Variants in CCNH observed in about 807,000 individuals in gnomAD.
CCNH encodes cyclin H, also known as cyclin-H.
In CCNH, 31 loss-of-function variants were observed where a neutral mutation model predicts 41.9. That is an observed-to-expected ratio of 0.74 (90% CI 0.56 to 1.00). The LOEUF (loss-of-function observed/expected upper bound fraction) is 1.00. Ranked by LOEUF, CCNH falls within the 50% of genes least tolerant of loss-of-function variation. CCNH has a pLI of 0.00. For synonymous variants in CCNH, 138 were observed against 136.1 expected (o/e 1.01, Z -0.10); for missense variants, 362 against 388.4 (o/e 0.93, Z 0.57).
At chr5:87,345,017 G>GT (rs1758750781) in intron 9 of CCNH, among the ~76,000 whole-genome samples, 2 of 151,796 alleles carry the variant, frequency 1.3e-5, no homozygotes, top group African/African-American at 2.4e-5. Flanking sequence ...TTTCTACATT[G>GT]TTTCTATAGT....
intron 9 of CCNH, among the ~76,000 whole-genome samples, chr5:87,332,186 T>A (rs1383612839): frequency 6.6e-6 from 1 of 152,132 alleles, no homozygotes; most frequent in Non-Finnish European, 1.5e-5. Flanking sequence ...ATAAAACTTA[T>A]TAAATTGTTA....
At chr5:87,335,659 C>T (rs1757924195) in intron 9 of CCNH, among the ~76,000 whole-genome samples, 2 of 151,934 alleles carry the variant, frequency 1.3e-5, no homozygotes, top group African/African-American at 4.8e-5. Context: ...CTACTGACCT[C>T]GGGTGATCTG....
chr5:87,357,666 C>G (rs1397175613), intron 9 of CCNH, among the ~76,000 whole-genome samples: 3 of 151,940 alleles, frequency 2.0e-5, no homozygotes, highest in African/African-American at 4.8e-5. Context: ...GATTGCACCA[C>G]TGCACTCCAG....
chr5:87,351,806 C>T (rs1759300501), intron 9 of CCNH, among the ~76,000 whole-genome samples: 1 of 151,758 alleles, frequency 6.6e-6, no homozygotes, highest in South Asian at 2.1e-4. Context: ...TTTAAATTTG[C>T]TCCTGGACAA....
intron 9 of CCNH, chr5:87,383,695 A>C: frequency 1.3e-6 from 2 of 1,591,406 alleles, no homozygotes; most frequent in Non-Finnish European, 1.7e-6. Flanking sequence ...AAAAAAAAAA[A>C]ATTTCCCTCC....
chr5:87,319,639 A>G (rs368578351), intron 9 of CCNH, among the ~76,000 whole-genome samples: 112 of 152,344 alleles, frequency 7.4e-4, no homozygotes, highest in Middle Eastern at 3.4e-3. Flanking sequence ...AGTTAGCAGC[A>G]GGGCTCTGGG....
intron 9 of CCNH, chr5:87,341,295 G>T: frequency 2.2e-6 from 3 of 1,348,630 alleles, no homozygotes; most frequent in South Asian, 2.2e-5. Flanking sequence ...TTTAGGGCCG[G>T]GAAGAAGATC....
chr5:87,391,546 C>CAAAG, downstream of CCNH: 1 of 237,436 alleles, frequency 4.2e-6, no homozygotes, highest in Non-Finnish European at 8.3e-6. Context: ...TTGAAATTGT[C>CAAAG]AAAGACTGTA....
At chr5:87,330,358 A>G (rs1159986588) in intron 9 of CCNH, among the ~76,000 whole-genome samples, 1 of 152,146 alleles carries the variant, frequency 6.6e-6, no homozygotes, top group Non-Finnish European at 1.5e-5. Context: ...TAAGATTACA[A>G]ATAAACTTTG....
chr5:87,384,802 T>G (rs1761954585), intron 9 of CCNH, among the ~76,000 whole-genome samples: 1 of 152,136 alleles, frequency 6.6e-6, no homozygotes, highest in Non-Finnish European at 1.5e-5. Context: ...TTATTAAATT[T>G]CATGTTTTTC....
chr5:87,372,231 A>G (rs750646766), downstream of CCNH: 30 of 1,570,096 alleles, frequency 1.9e-5, no homozygotes, highest in Admixed American at 3.5e-4. Flanking sequence ...TAATTGTCAC[A>G]TTTTGCTCTA....
chr5:87,392,126 G>A, downstream of CCNH: 1 of 390,334 alleles, frequency 2.6e-6, no homozygotes, highest in Non-Finnish European at 5.0e-6. Context: ...AGATAGATAG[G>A]ACATATGGAA....
exon 1 of CCNH, chr5:87,377,076 T>A: frequency 6.3e-7 from 1 of 1,586,686 alleles, no homozygotes; most frequent in Admixed American, 1.7e-5. Flanking sequence ...TACAAGAAAC[T>A]GGGTTTAGAT....
At chr5:87,341,435 T>A in intron 9 of CCNH, 2 of 565,942 alleles carry the variant, frequency 3.5e-6, no homozygotes, top group Non-Finnish European at 5.4e-6. Context: ...ACTTAACTTT[T>A]AAATTTGGCT....
intron 7 of CCNH, among the ~76,000 whole-genome samples, chr5:87,398,233 T>TA (rs1763115249): frequency 6.6e-6 from 1 of 152,236 alleles, no homozygotes; most frequent in African/African-American, 2.4e-5. Flanking sequence ...GCACACTTCC[T>TA]AAGTCCGTAG....
upstream of CCNH, chr5:87,377,182 G>A: frequency 9.3e-7 from 1 of 1,078,164 alleles, no homozygotes; most frequent in Non-Finnish European, 1.4e-6. Context: ...CTTAAAAATT[G>A]CAGTTGGATG....
At chr5:87,392,392 A>G (rs938565952), downstream of CCNH, 11 of 454,822 alleles carry the variant, frequency 2.4e-5, no homozygotes, top group African/African-American at 6.0e-5. Context: ...GATACCAAAA[A>G]TCTCAACATG....
chr5:87,354,486 C>T (rs965485951), intron 9 of CCNH, among the ~76,000 whole-genome samples: 2 of 152,120 alleles, frequency 1.3e-5, no homozygotes, highest in African/African-American at 2.4e-5. Context: ...CTGAAGAAGA[C>T]TGCAAGCTTA....
chr5:87,376,673 A>G, exon 1 of CCNH: 2 of 1,375,238 alleles, frequency 1.5e-6, no homozygotes, highest in Non-Finnish European at 2.0e-6. Flanking sequence ...TTAGTAGCAC[A>G]ATGATGCCAG....
Sources: gnomAD v4.1 joint callset for allele counts (sites outside exome capture counted in the v4.1 genomes callset) on GRCh38, gnomAD v4.1.1 for gene constraint, MANE v1.5 for transcripts, NCBI Gene and HGNC (gene_info 2026-07-23, HGNC 2026-07-21) for gene names.